The following SSX3 variants were observed in gnomAD, a reference collection of about 807,000 sequenced individuals.
The protein encoded by SSX3 is protein SSX3.
In SSX3, 6 loss-of-function variants were observed where a neutral mutation model predicts 14.8. The observed-to-expected ratio is 0.41, with a 90% confidence interval of 0.22 to 0.80. The LOEUF (loss-of-function observed/expected upper bound fraction) is 0.80. Ranked by LOEUF, SSX3 falls within the 30% of genes least tolerant of loss-of-function variation. The pLI is 0.34. For missense variants in SSX3, 163 were observed against 152.2 expected (o/e 1.07, Z -0.37); for synonymous variants, 55 against 52.9 (o/e 1.04, Z -0.18).
At chrX:48,355,724 T>TG (rs1354646697) in intron 1 of SSX3, among the ~76,000 whole-genome samples, 2 of 111,218 alleles carry the variant, frequency 1.8e-5, no homozygotes, top group Non-Finnish European at 3.8e-5. Flanking sequence ...GGCAGAGGGA[T>TG]GGGGGGTTCT....
At chrX:48,355,311 T>C (rs782530363) in intron 1 of SSX3, 42 bp from the exon 2 acceptor site, 31 of 1,150,614 alleles carry the variant, frequency 2.7e-5, no homozygotes, top group Non-Finnish European at 3.1e-5. Flanking sequence ...CGCAGGACCT[T>C]TGGTCTTGTG....
intron 6 of SSX3, among the ~76,000 whole-genome samples, chrX:48,349,149 T>C (rs5952502): frequency 0.12 from 13,270 of 111,739 alleles, 706 homozygotes; most frequent in East Asian, 0.39. Context: ...AGGATTGAGT[T>C]CAACTTTGAA....
Position 48,355,207 on chromosome X carries a change from C to A in SSX3, c.43G>T (p.Ala15Ser). The change falls in exon 2 of 8, where the codon GCT (alanine) becomes TCT (serine). Residue 15 changes from alanine to serine, a missense_variant. By Grantham distance (99) the Ala-to-Ser change is moderately conservative (BLOSUM62 1). Transcript: ENST00000298396. ...DTFARRPTVGAQIPEKIQKAF... is the reference protein window; with the variant it reads ...DTFARRPTVGSQIPEKIQKAF... ...TTTTGTATCTTCTCTGGTATTTGAG[C>A]ACCAACCGTGGGTCTCCTTGCAAAG... The A allele has an allele frequency of 8.3e-7, 1 of 1,211,432 alleles. No homozygotes were observed. The highest frequency in any genetic ancestry group is 1.1e-6 in the Non-Finnish European group (1 of 895,190).
chrX:48,354,291 A>C (rs1786526325), intron 3 of SSX3, among the ~76,000 whole-genome samples, 197 bp from the exon 4 acceptor site: 1 of 107,696 alleles, frequency 9.3e-6, no homozygotes, highest in Non-Finnish European at 1.9e-5. Context: ...CAAACAAAAA[A>C]AAAAAAAAAA....
intron 4 of SSX3, among the ~76,000 whole-genome samples, chrX:48,353,335 G>A (rs1207012465): frequency 9.0e-6 from 1 of 111,140 alleles, no homozygotes; most frequent in Non-Finnish European, 1.9e-5. Context: ...TAGAAAAACT[G>A]CAAACAGGCC....
intron 2 of SSX3, 91 bp downstream of exon 2, chrX:48,355,090 T>A (rs1431384407): frequency 3.1e-5 from 37 of 1,200,059 alleles, no homozygotes; most frequent in Admixed American, 1.3e-4. Flanking sequence ...CTGCTCCTTG[T>A]CTCCAGTATC....
intron 5 of SSX3, among the ~76,000 whole-genome samples, chrX:48,350,938 G>C (rs1432833213): frequency 1.8e-5 from 2 of 109,159 alleles, no homozygotes; most frequent in Non-Finnish European, 3.8e-5. Context: ...GCCCCACTAA[G>C]TTTTGTATTT....
intron 5 of SSX3, among the ~76,000 whole-genome samples, chrX:48,350,771 CTTTTTTTTT>C (rs374614128): frequency 1.0e-5 from 1 of 96,369 alleles, no homozygotes; most frequent in Admixed American, 1.1e-4. Context: ...CTTTCTTTTT[CTTTTTTTTT>C]TTTTTTTTTG....
At chrX:48,355,112 C>A (rs1246339609) in intron 2 of SSX3, 69 bp downstream of exon 2, 1 of 1,203,647 alleles carries the variant, frequency 8.3e-7, no homozygotes, top group Admixed American at 2.2e-5. Flanking sequence ...CTGTCCTCCC[C>A]TCCTCAGAAA....
intron 5 of SSX3, 70 bp from the exon 6 acceptor site, chrX:48,350,192 G>A: frequency 1.7e-6 from 2 of 1,179,525 alleles, no homozygotes; most frequent in Admixed American, 2.2e-5. Context: ...GCTTACAAAG[G>A]GTCTTCACAT....
At chrX:48,355,522 G>A (rs1369961033) in intron 1 of SSX3, among the ~76,000 whole-genome samples, 1 of 111,068 alleles carries the variant, frequency 9.0e-6, no homozygotes, top group Non-Finnish European at 1.9e-5. Flanking sequence ...TTGGGAGGGG[G>A]TTGGCTAATG....
intron 6 of SSX3, chrX:48,348,134 A>G (rs2061246498): frequency 2.8e-6 from 1 of 354,884 alleles, no homozygotes; most frequent in African/African-American, 2.7e-5. Context: ...GTAGGTGTAT[A>G]TTCTTATGGG....
Position 48,346,857 on chromosome X carries a change from G to C in SSX3, c.*183C>G. 1.3e-6 allele frequency: 1 copy of C among 771,664 alleles called. No homozygotes were observed. The highest frequency in any genetic ancestry group is 1.9e-6 in the Non-Finnish European group (1 of 522,204). The allele number at this position is 771,664 out of a possible 1,213,427, so 63.6% of individuals were successfully genotyped here. On this transcript the variant is annotated 3_prime_UTR_variant, in exon 8 of 8. Transcript: ENST00000298396. The stretch of plus-strand genomic sequence containing the variant: ...TGACACACTTCAAGAAAATACAATG[G>C]AAACGCTAATATCGTACTCTTGGCA...
chrX:48,355,125 G>A (rs372215947), intron 2 of SSX3, 56 bp downstream of exon 2: 9 of 1,199,279 alleles, frequency 7.5e-6, no homozygotes, highest in Non-Finnish European at 1.0e-5. Flanking sequence ...CTCAGAAACC[G>A]GGTCACCCCA....
At chrX:48,356,452 C>A (rs1212580011) in intron 1 of SSX3, among the ~76,000 whole-genome samples, 182 bp downstream of exon 1, 1 of 110,994 alleles carries the variant, frequency 9.0e-6, no homozygotes, top group African/African-American at 3.3e-5. Flanking sequence ...TAGGAAAAAT[C>A]CCATACCTGA....
At chrX:48,353,575 A>C (rs1165446786) in intron 4 of SSX3, among the ~76,000 whole-genome samples, 2 of 111,248 alleles carry the variant, frequency 1.8e-5, no homozygotes, top group Non-Finnish European at 3.8e-5. Flanking sequence ...GAGTGAGCTG[A>C]GATTGCCTTA....
Position 48,354,107 on chromosome X carries a change from A to G in SSX3, c.185-13T>C. ...ATGGCCTTGAAACCTAGAAAGAAGC[A>G]AAATGTTTATTCCTTAAGAGACAAG... On this transcript the variant is annotated splice_polypyrimidine_tract_variant and intron_variant, in intron 3 of 7. Coordinates refer to ENST00000298396, the MANE Select transcript of SSX3 (RefSeq NM_021014.4). 7.6e-6 allele frequency: 9 copies of G among 1,183,769 alleles called. No homozygotes were observed. The highest frequency in any genetic ancestry group is 1.0e-5 in the Non-Finnish European group (9 of 871,313).
intron 6 of SSX3, 90 bp from the exon 7 acceptor site, chrX:48,347,694 T>A: frequency 8.4e-7 from 1 of 1,191,810 alleles, no homozygotes; most frequent in Non-Finnish European, 1.1e-6. Context: ...GCCTGCTTCC[T>A]CCCAAGTGCC....
rs1556950474 is a variant in SSX3 at position 48,354,102 on chromosome X, G to A, written c.185-8C>T. The A allele has an allele frequency of 1.8e-5, 21 of 1,188,627 alleles. No individual in the cohort carries two copies. The highest frequency in any genetic ancestry group is 3.0e-5 in the East Asian group (1 of 33,607). On this transcript the variant is annotated splice_region_variant and splice_polypyrimidine_tract_variant and intron_variant, in intron 3 of 7. Transcript: ENST00000298396. ...GGAGGATGGCCTTGAAACCTAGAAA[G>A]AAGCAAAATGTTTATTCCTTAAGAG...
Sources: allele counts gnomAD v4.1 joint callset (sites outside exome capture counted in the v4.1 genomes callset), GRCh38; gene constraint gnomAD v4.1.1; transcripts MANE v1.5; gene names NCBI Gene and HGNC (gene_info 2026-07-23, HGNC 2026-07-21).